Variants in COPS5 observed in about 807,000 individuals in gnomAD.
COPS5 encodes COP9 signalosome complex subunit 5.
COPS5 carries 8 observed loss-of-function variants against 44.4 expected under a neutral mutation model. The observed-to-expected ratio is 0.18, with a 90% confidence interval of 0.11 to 0.32. The LOEUF (loss-of-function observed/expected upper bound fraction) is 0.32, where lower values mean the gene tolerates loss of function less well. Ranked by LOEUF, COPS5 falls within the 10% of genes least tolerant of loss-of-function variation. The pLI is 1.00. For synonymous variants in COPS5, 122 were observed against 142.8 expected (o/e 0.85, Z 1.04); for missense variants, 159 against 406.4 (o/e 0.39, Z 5.23).
Position 67,043,206 on chromosome 8 carries a change from T to A in COPS5, c.*27A>T. 1 of 1,298,912 alleles carries A rather than the reference T, an allele frequency of 7.7e-7. No homozygotes were observed. The highest frequency in any genetic ancestry group is 1.3e-5 in the South Asian group (1 of 79,132). The allele number at this position is 1,298,912 out of a possible 1,614,324, so 80.5% of individuals were successfully genotyped here. ...TTGAATATTTTTCTCATACTGTCTT[T>A]CAGGTAAAGTACTTCTCAGAGACTG... On this transcript the variant is annotated 3_prime_UTR_variant, in exon 8 of 8. Transcript: ENST00000357849.
At chr8:67,045,453 CAA>C (rs199646280) in intron 7 of COPS5, 12 of 150,014 alleles carry the variant, frequency 8.0e-5, no homozygotes, top group South Asian at 1.9e-4. Flanking sequence ...GATTCTGTCT[CAA>C]AAAAAAAAAG....
intron 2 of COPS5, among the ~76,000 whole-genome samples, 158 bp from the exon 3 acceptor site, chr8:67,058,369 T>TA (rs1235362177): frequency 6.6e-6 from 1 of 152,216 alleles, no homozygotes; most frequent in African/African-American, 2.4e-5. Flanking sequence ...TGCTTACCCT[T>TA]ACAGAGATAT....
chr8:67,053,085 T>C (rs1229882250), intron 5 of COPS5, among the ~76,000 whole-genome samples: 2 of 152,022 alleles, frequency 1.3e-5, no homozygotes, highest in East Asian at 3.9e-4. Flanking sequence ...TAGGCACCCT[T>C]TTAAAAACAG....
At chr8:67,044,194 C>T (rs779304851) in intron 7 of COPS5, 4 of 152,136 alleles carry the variant, frequency 2.6e-5, no homozygotes, top group Non-Finnish European at 5.9e-5. Flanking sequence ...AGATCTGCGC[C>T]ACCATGCCCA....
chr8:67,047,737 G>T, intron 6 of COPS5: 2 of 698,764 alleles, frequency 2.9e-6, no homozygotes, highest in South Asian at 1.5e-5. Flanking sequence ...TACAGGGACA[G>T]ACATTGGGCT....
chr8:67,045,266 A>C (rs1323196799), intron 7 of COPS5: 1 of 152,398 alleles, frequency 6.6e-6, no homozygotes, highest in Non-Finnish European at 1.5e-5. Flanking sequence ...AGCCTGGTCA[A>C]CATGGTGAAA....
At chr8:67,055,758 T>G (rs1804494439) in intron 5 of COPS5, among the ~76,000 whole-genome samples, 1 of 148,758 alleles carries the variant, frequency 6.7e-6, no homozygotes, top group African/African-American at 2.5e-5. Context: ...CCCAGCTACT[T>G]GGGAGGCTGA....
Position 67,058,134 on chromosome 8 carries a change from A to G in COPS5, c.456T>C (p.Val152=), listed in dbSNP as rs1203276102. The part of the protein sequence containing the change: ...GYGCWLSGID[V]STQMLNQQFQ... ...ACTGCTGATTGAGCATCTGAGTACT[A>G]ACATCAATCCCAGAAAGCCAGCAGC... The change falls in exon 3 of 8, where the codon GTT becomes GTC. Residue 152 remains valine (V), a synonymous_variant. Transcript: ENST00000357849. The G allele has an allele frequency of 6.2e-7, 1 of 1,614,130 alleles. No individual in the cohort carries two copies. Among genetic ancestry groups the G allele is most frequent in the Admixed American group, 1.7e-5 (1 of 60,034 alleles).
At position 67,057,361 on chromosome 8, in the gene COPS5, TAAAA is replaced by T. The variant is rs749363440; in HGVS notation, c.573+15_573+18del. 8.2e-7 allele frequency: 1 copy of T among 1,222,272 alleles called. No homozygotes were observed. Among genetic ancestry groups the T allele is most frequent in the Non-Finnish European group, 1.1e-6 (1 of 880,642 alleles). The allele number at this position is 1,222,272 out of a possible 1,614,324, so 75.7% of individuals were successfully genotyped here. A position where few individuals can be genotyped will look rare whatever the true frequency, so the allele number is the denominator to read the frequency against. ...GGTAACACAGTGAGACTCTAACTCTTAAAAAAAAAAAAAGTTACCTTTGGGTATG... is the reference window on the plus strand; with the variant it reads ...GGTAACACAGTGAGACTCTAACTCTTAAAAAAAAAGTTACCTTTGGGTATG... On this transcript the variant is annotated intron_variant, in intron 4 of 7. Coordinates refer to ENST00000357849, the MANE Select transcript of COPS5 (RefSeq NM_006837.3).
chr8:67,043,333 CA>C lies in COPS5; in HGVS notation c.921-17del. ...AGTTTTACAGCTGGAAAAAAAAACA[CA>C]CATCACATGATGTCATAAATTGAAA... On this transcript the variant is annotated splice_polypyrimidine_tract_variant and intron_variant, in intron 7 of 7. Transcript: ENST00000357849. 1 of 1,489,728 alleles carries C rather than the reference CA, an allele frequency of 6.7e-7. No homozygotes were observed. The highest frequency in any genetic ancestry group is 9.3e-7 in the Non-Finnish European group (1 of 1,072,794). The allele number at this position is 1,489,728 out of a possible 1,614,324, so 92.3% of individuals were successfully genotyped here.
intron 5 of COPS5, among the ~76,000 whole-genome samples, chr8:67,053,848 T>C (rs1385539443): frequency 1.3e-5 from 2 of 149,156 alleles, no homozygotes; most frequent in Non-Finnish European, 3.0e-5. Flanking sequence ...CTACTAAAAA[T>C]ACAAAAAATT....
chr8:67,058,199 C>G lies in COPS5; in HGVS notation c.391G>C (p.Glu131Gln). The G allele has an allele frequency of 6.2e-7, 1 of 1,613,492 alleles. No individual in the cohort carries two copies. Among genetic ancestry groups the G allele is most frequent in the Non-Finnish European group, 8.5e-7 (1 of 1,179,576 alleles). ...IENAKQVGRLENAIGWYHSHP... is the reference protein window; with the variant it reads ...IENAKQVGRLQNAIGWYHSHP... ...CTATGATACCACCCGATTGCATTTT[C>G]AAGGCGGCCAACCTAACAAATGAAG... Residue 131 changes from glutamate (E) to glutamine (Q), a missense_variant, in exon 3 of 8, where the codon GAA (glutamate) becomes CAA (glutamine). Coordinates refer to ENST00000357849, the MANE Select transcript of COPS5 (RefSeq NM_006837.3).
rs180916528 is a variant in COPS5, at chr8:67,048,002, G to A, written c.772-2042C>T. 3.2e-4 allele frequency: 210 copies of A among 665,108 alleles called. No homozygotes were observed. The African/African-American group carries it at 3.3e-3, about 11-fold the overall frequency. The allele number at this position is 665,108 out of a possible 1,614,324, so 41.2% of individuals were successfully genotyped here. On this transcript the variant is annotated intron_variant, in intron 6 of 7. Coordinates refer to ENST00000357849, the MANE Select transcript of COPS5 (RefSeq NM_006837.3). ...TAAGAAATAAGAACAGATACTGGGC[G>A]CCGTGGCTCATGCCTGTAATCCCAG...
At chr8:67,044,625 G>A (rs1438313720) in intron 7 of COPS5, 1 of 150,348 alleles carries the variant, frequency 6.7e-6, no homozygotes, top group African/African-American at 2.4e-5. Flanking sequence ...TGGAGACAGA[G>A]TTTCGCTCTT....
intron 1 of COPS5, 22 bp from the exon 2 acceptor site, chr8:67,059,467 T>A (rs1804555201): frequency 2.0e-6 from 3 of 1,533,456 alleles, no homozygotes; most frequent in African/African-American, 1.4e-5. Context: ...AATCACAATG[T>A]AATTAAATTC....
At chr8:67,052,516 C>T (rs1443197189) in intron 5 of COPS5, among the ~76,000 whole-genome samples, 1 of 149,906 alleles carries the variant, frequency 6.7e-6, no homozygotes, top group Non-Finnish European at 1.5e-5. Context: ...TTCCCGGGTT[C>T]AAGCGATTCT....
chr8:67,050,463 T>C (rs147639161), intron 6 of COPS5, among the ~76,000 whole-genome samples: 1 of 152,298 alleles, frequency 6.6e-6, no homozygotes, highest in African/African-American at 2.4e-5. Flanking sequence ...TCATCAAGCT[T>C]ATTCAGTTGG....
chr8:67,045,497 A>G (rs920394082), intron 7 of COPS5: 1 of 285,038 alleles, frequency 3.5e-6, no homozygotes, highest in Admixed American at 4.7e-5. Flanking sequence ...ACACACACAC[A>G]CACTTTAAAG....
chr8:67,045,813 T>C lies in COPS5; in HGVS notation c.919A>G (p.Ser307Gly). ...EDKLAKATRD[S>G]CKTTIEAIHG... Reference sequence around the variant, plus strand: ...GGAATCTTATAGATTTACTCTTACCTGTCTCTTGTAGCTTTGGCAAGTTTG... The same window carrying C: ...GGAATCTTATAGATTTACTCTTACCCGTCTCTTGTAGCTTTGGCAAGTTTG... Residue 307 changes from serine (S) to glycine (G), a missense_variant and splice_region_variant, in exon 7 of 8, where the codon AGC (serine) becomes GGC (glycine). Physicochemically the swap from Ser to Gly is moderately conservative, Grantham distance 56. Transcript: ENST00000357849. The C allele has an allele frequency of 6.2e-7, 1 of 1,614,192 alleles. No homozygotes were observed. Among genetic ancestry groups the C allele is most frequent in the Non-Finnish European group, 8.5e-7 (1 of 1,180,032 alleles).
Sources: gnomAD v4.1 joint callset for allele counts (sites outside exome capture counted in the v4.1 genomes callset) on GRCh38, gnomAD v4.1.1 for gene constraint, MANE v1.5 for transcripts, NCBI Gene and HGNC (gene_info 2026-07-23, HGNC 2026-07-21) for gene names.